CNOT6L: variants seen among roughly 807,000 people sequenced by gnomAD.
The protein encoded by CNOT6L is CCR4-NOT transcription complex subunit 6 like, also known as CCR4-NOT transcription complex subunit 6-like.
A neutral mutation model predicts 64.0 loss-of-function variants in CNOT6L; 7 were observed. That is an observed-to-expected ratio of 0.11 (90% CI 0.06 to 0.21). The LOEUF is 0.21. Ranked by LOEUF, CNOT6L falls within the 10% of genes least tolerant of loss-of-function variation. The pLI is 1.00. For missense variants in CNOT6L, 245 were observed against 669.0 expected, an observed-to-expected ratio of 0.37 and a Z score of 6.99; for synonymous variants, 193 against 243.4, an observed-to-expected ratio of 0.79 and a Z score of 1.93.
chr4:77,816,283 G>A lies in CNOT6L; in HGVS notation c.5+3021C>T, dbSNP rs1019226249. 7.2e-5 allele frequency among the ~76,000 whole-genome samples: 11 copies of A among 152,042 alleles called. No individual in the cohort carries two copies. The South Asian group carries it at 1.4e-3, about 20-fold the overall frequency. On this transcript the variant is annotated intron_variant, in intron 1 of 11. Transcript: ENST00000504123. ...CCAAATTAAAAAATATATATATAAA[G>A]TCTTTTAAAATAATTCATAAAGTCC... is the stretch of plus-strand genomic sequence containing the variant.
At chr4:77,762,003 G>T (rs1196207450) in intron 4 of CNOT6L, among the ~76,000 whole-genome samples, 1 of 152,012 alleles carries the variant, frequency 6.6e-6, no homozygotes, top group African/African-American at 2.4e-5. Context: ...CAAGTAAGTA[G>T]ATATACATCT....
rs191076165 is a variant in CNOT6L at position 77,794,860 on chromosome 4, T to C, written c.6-18468A>G. Among the ~76,000 whole-genome samples the C allele has an allele frequency of 2.1e-4, 32 of 152,156 alleles. 1 individual carries two copies. The East Asian group carries it at 5.8e-3, about 28-fold the overall frequency. ...ATGTTTATTCACAAACAATAAATTA[T>C]ATATATGTAAAAAATCCTATAGAAT... is the stretch of plus-strand genomic sequence containing the variant. On this transcript the variant is annotated intron_variant, in intron 1 of 11. Coordinates refer to ENST00000504123, the MANE Select transcript of CNOT6L (RefSeq NM_144571.3).
rs57746316 is a variant in CNOT6L at position 77,796,160 on chromosome 4, A to AT, written c.6-19769dup. 3.2e-4 allele frequency among the ~76,000 whole-genome samples: 48 copies of AT among 150,378 alleles called. 1 individual carries two copies. In the South Asian group the frequency reaches 5.3e-3, roughly 17 times the overall value. On this transcript the variant is annotated intron_variant, in intron 1 of 11. Coordinates refer to ENST00000504123, the MANE Select transcript of CNOT6L (RefSeq NM_144571.3). ...TGTTCAGCCCTGTTCCCCTCATGAC[A>AT]TTTTTTTTTTATAGAAATTAACATG...
intron 4 of CNOT6L, among the ~76,000 whole-genome samples, chr4:77,771,188 G>A (rs1046596916): frequency 1.1e-4 from 17 of 152,122 alleles, no homozygotes; most frequent in Admixed American, 6.5e-4. Context: ...GGACGTGGTG[G>A]TGCACGCCCA....
chr4:77,782,203 C>CT, intron 1 of CNOT6L, among the ~76,000 whole-genome samples: 1 of 152,258 alleles, frequency 6.6e-6, no homozygotes, highest in South Asian at 2.1e-4. Flanking sequence ...AATAACTATC[C>CT]TTCCCATCTG....
At chr4:77,813,229 G>C (rs913268558) in intron 1 of CNOT6L, among the ~76,000 whole-genome samples, 4 of 152,064 alleles carry the variant, frequency 2.6e-5, no homozygotes, top group Non-Finnish European at 4.4e-5. Context: ...AAGAGTTAAG[G>C]CTATAAAACT....
At chr4:77,772,476 AAGTGTT>A (rs757430290) in intron 4 of CNOT6L, among the ~76,000 whole-genome samples, 169 of 150,290 alleles carry the variant, frequency 1.1e-3, no homozygotes, top group Middle Eastern at 3.4e-3. Flanking sequence ...TTTTTTTTTT[AAGTGTT>A]AATTTAAATT....
intron 4 of CNOT6L, among the ~76,000 whole-genome samples, chr4:77,764,597 A>G (rs965146625): frequency 6.6e-6 from 1 of 152,158 alleles, no homozygotes; most frequent in South Asian, 2.1e-4. Context: ...CCTTTCCAGT[A>G]ACATCTTTCT....
In CNOT6L at chr4:77,819,313, T is replaced by C; in HGVS notation, c.-5A>G. 6.2e-7 allele frequency: 1 copy of C among 1,613,078 alleles called. No individual in the cohort carries two copies. Among genetic ancestry groups the C allele is most frequent in the Non-Finnish European group, 8.5e-7 (1 of 1,179,430 alleles). On this transcript the variant is annotated 5_prime_UTR_variant, in exon 1 of 12. Coordinates refer to ENST00000504123, the MANE Select transcript of CNOT6L (RefSeq NM_144571.3). ...CAAAAGAACACTCTACCTCATTCTC[T>C]TCCTCTGGCCCAGAAGCAACAGCAG...
In CNOT6L at chr4:77,774,754, A is replaced by G. The variant is rs758958807; in HGVS notation, c.128-38T>C. On this transcript the variant is annotated intron_variant, in intron 2 of 11. Coordinates refer to ENST00000504123, the MANE Select transcript of CNOT6L (RefSeq NM_144571.3). ...ATACTGAAGTGTAAAAAAAAACCCCAGGCCCAAGATGACACCTAAACTACA... is the reference window on the plus strand; with the variant it reads ...ATACTGAAGTGTAAAAAAAAACCCCGGGCCCAAGATGACACCTAAACTACA... 3.9e-5 allele frequency: 55 copies of G among 1,393,338 alleles called. No homozygotes were observed. In the South Asian group the frequency reaches 7.5e-4, roughly 19 times the overall value. 86.3% of individuals were successfully genotyped at this position (1,393,338 alleles called of 1,614,324 possible). A position where few individuals can be genotyped will look rare whatever the true frequency, so the allele number is the denominator to read the frequency against.
In CNOT6L at chr4:77,756,853, AAC is replaced by A. The variant is rs1261636267; in HGVS notation, c.490+7_490+8del. 1 of 1,568,622 alleles carries A rather than the reference AAC, an allele frequency of 6.4e-7. No homozygotes were observed. ...GAATTTATTTTACAGCTTTGTCACT[AAC>A]AGTTACCTGCGAGATTGTCAAGCAT... On this transcript the variant is annotated splice_region_variant and intron_variant, in intron 5 of 11. Coordinates refer to ENST00000504123, the MANE Select transcript of CNOT6L (RefSeq NM_144571.3).
chr4:77,780,995 C>A (rs1478578826), intron 1 of CNOT6L, among the ~76,000 whole-genome samples: 1 of 152,104 alleles, frequency 6.6e-6, no homozygotes, highest in Non-Finnish European at 1.5e-5. Context: ...AAAAAACATG[C>A]AGCCATAAAA....
At chr4:77,820,231 C>G (rs140468232), upstream of CNOT6L, among the ~76,000 whole-genome samples, 2 of 152,042 alleles carry the variant, frequency 1.3e-5, no homozygotes, top group East Asian at 1.9e-4. Flanking sequence ...AGTGCGAGAA[C>G]GAGGAGGGTT....
intron 1 of CNOT6L, among the ~76,000 whole-genome samples, chr4:77,799,971 T>C (rs1017288401): frequency 1.3e-5 from 2 of 152,100 alleles, no homozygotes; most frequent in Admixed American, 6.6e-5. Flanking sequence ...TGGTAGTACA[T>C]GGCAAATCCA....
At chr4:77,820,070 G>A (rs903570749), upstream of CNOT6L, among the ~76,000 whole-genome samples, 1 of 152,160 alleles carries the variant, frequency 6.6e-6, no homozygotes, top group South Asian at 2.1e-4. Context: ...TGCGGGGGTT[G>A]CCGCTGCGCC....
At chr4:77,734,022 T>A (rs879335368) in intron 8 of CNOT6L, among the ~76,000 whole-genome samples, 1 of 152,182 alleles carries the variant, frequency 6.6e-6, no homozygotes, top group African/African-American at 2.4e-5. Flanking sequence ...TACCCAAAGG[T>A]GCAGTACCTA....
intron 4 of CNOT6L, among the ~76,000 whole-genome samples, chr4:77,768,396 G>A (rs890410711): frequency 2.7e-5 from 4 of 150,894 alleles, no homozygotes; most frequent in Admixed American, 6.6e-5. Flanking sequence ...AACCCGTGGG[G>A]TAGAGGTTGC....
Position 77,754,888 on chromosome 4 carries a change from T to TAAAAAAAAAAAAAAAA in CNOT6L, c.490+1958_490+1973dup. ...AAAACCTAATTCTAAACATTAGAAGTAAAAAAAAAAAAAAAAAAAAAAAAA... is the reference window on the plus strand; with the variant it reads ...AAAACCTAATTCTAAACATTAGAAGTAAAAAAAAAAAAAAAAAAAAAAAAAAAAAAAAAAAAAAAAA... On this transcript the variant is annotated intron_variant, in intron 5 of 11. Transcript: ENST00000504123. 4.9e-3 allele frequency among the ~76,000 whole-genome samples: 180 copies of TAAAAAAAAAAAAAAAA among 36,930 alleles called. 33 individuals are homozygous for TAAAAAAAAAAAAAAAA. Among genetic ancestry groups the TAAAAAAAAAAAAAAAA allele is most frequent in the South Asian group, 5.1e-3 (3 of 586 alleles). 24.2% of individuals were successfully genotyped at this position (36,930 alleles called of 152,430 possible). A position where few individuals can be genotyped will look rare whatever the true frequency, so the allele number is the denominator to read the frequency against.
chr4:77,789,945 CAAAAAAAAAAAAAAAAAAAAAAAAA>C (rs58242121), intron 1 of CNOT6L, among the ~76,000 whole-genome samples: 1 of 83,310 alleles, frequency 1.2e-5, no homozygotes, highest in Admixed American at 1.4e-4. Context: ...GACACTGTCT[CAAAAAAAAAAAAAAAAAAAAAAAAA>C]AAAAAAAAAA....
Sources: allele counts gnomAD v4.1 joint callset (sites outside exome capture counted in the v4.1 genomes callset), GRCh38; gene constraint gnomAD v4.1.1; transcripts MANE v1.5; gene names NCBI Gene and HGNC (gene_info 2026-07-23, HGNC 2026-07-21).